SNX29: variants seen among roughly 807,000 people sequenced by gnomAD.
SNX29 encodes sorting nexin-29.
Under a neutral mutation model 102.1 loss-of-function variants are expected in SNX29, and 78 were observed. The observed-to-expected ratio is 0.76, with a 90% CI of 0.64 to 0.92. The LOEUF (loss-of-function observed/expected upper bound fraction) is 0.92, where lower values mean the gene tolerates loss of function less well. Among genes scored for constraint, SNX29 ranks in the 40% least tolerant of loss-of-function variants. The pLI, the probability that SNX29 is intolerant of heterozygous loss-of-function variation, is 0.00. For synonymous variants in SNX29, 580 were observed against 414.5 expected (o/e 1.40, Z -4.85); for missense variants, 1,280 against 1,061.7 (o/e 1.21, Z -2.86).
chr16:12,185,362 A>C (rs2076485519), intron 13 of SNX29, among the ~76,000 whole-genome samples: 1 of 152,206 alleles, frequency 6.6e-6, no homozygotes, highest in African/African-American at 2.4e-5. Context: ...GTGGTCGGAC[A>C]CTTGGCTTTT....
intron 1 of SNX29, among the ~76,000 whole-genome samples, chr16:11,989,564 C>T (rs2055764972): frequency 6.6e-6 from 1 of 152,224 alleles, no homozygotes; most frequent in African/African-American, 2.4e-5. Context: ...CTGCCCATGA[C>T]AGGAATGAGG....
At chr16:12,340,361 C>T (rs1026328134) in intron 15 of SNX29, among the ~76,000 whole-genome samples, 8 of 152,204 alleles carry the variant, frequency 5.3e-5, no homozygotes, top group African/African-American at 1.7e-4. Flanking sequence ...CAATGTTCCT[C>T]AGTCAGTAAG....
At chr16:12,406,723 C>T (rs776239396) in intron 18 of SNX29, among the ~76,000 whole-genome samples, 18 of 152,200 alleles carry the variant, frequency 1.2e-4, no homozygotes, top group Non-Finnish European at 2.2e-4. Flanking sequence ...TCCTGGCCAA[C>T]ATGGTGAAAC....
chr16:12,131,755 A>T (rs932943026), intron 13 of SNX29, among the ~76,000 whole-genome samples: 1 of 152,200 alleles, frequency 6.6e-6, no homozygotes, highest in Non-Finnish European at 1.5e-5. Context: ...TAGCAGCAGC[A>T]TTTACCTCTC....
chr16:12,358,179 G>A (rs1349827127), intron 16 of SNX29, among the ~76,000 whole-genome samples: 1 of 132,878 alleles, frequency 7.5e-6, no homozygotes, highest in Non-Finnish European at 1.8e-5. Context: ...TAAAGTAAAA[G>A]CACCTATTTA....
intron 20 of SNX29, chr16:12,560,930 G>GTGT (rs1410683370): frequency 4.9e-6 from 1 of 205,834 alleles, no homozygotes. Flanking sequence ...GTACCTCGTG[G>GTGT]TGTTGGGATC....
At chr16:12,242,129 A>C (rs1457492581) in intron 14 of SNX29, among the ~76,000 whole-genome samples, 1 of 151,984 alleles carries the variant, frequency 6.6e-6, no homozygotes, top group African/African-American at 2.4e-5. Context: ...CCCCAGCCAA[A>C]AATGGGTGCT....
intron 13 of SNX29, among the ~76,000 whole-genome samples, chr16:12,147,526 A>T (rs890809202): frequency 6.6e-6 from 1 of 152,332 alleles, no homozygotes; most frequent in Non-Finnish European, 1.5e-5. Flanking sequence ...GAGGGATACC[A>T]AAAGAGCCCA....
intron 16 of SNX29, among the ~76,000 whole-genome samples, chr16:12,393,512 A>G (rs2083613725): frequency 6.7e-6 from 1 of 148,528 alleles, no homozygotes; most frequent in Non-Finnish European, 1.5e-5. Flanking sequence ...GGGTGTGGTA[A>G]GCACATATAG....
intron 19 of SNX29, among the ~76,000 whole-genome samples, chr16:12,517,241 A>G (rs915592551): frequency 2.0e-5 from 3 of 152,132 alleles, no homozygotes; most frequent in African/African-American, 7.2e-5. Flanking sequence ...TCTCATCTGA[A>G]TTTTGGCTGC....
intron 18 of SNX29, among the ~76,000 whole-genome samples, chr16:12,426,287 A>T (rs1348916692): frequency 6.6e-6 from 1 of 152,176 alleles, no homozygotes; most frequent in African/African-American, 2.4e-5. Context: ...CTATGCCAGG[A>T]TCCAGGAAGA....
intron 18 of SNX29, among the ~76,000 whole-genome samples, chr16:12,472,576 C>G (rs898142791): frequency 2.0e-5 from 3 of 147,310 alleles, no homozygotes; most frequent in Admixed American, 6.8e-5. Context: ...GGGAGGAAAT[C>G]TAGGGGATAG....
rs552698679 is a variant in SNX29, at chr16:12,028,398, C to G, written c.247+954C>G. Among the ~76,000 whole-genome samples the G allele has an allele frequency of 4.6e-5, 7 of 152,154 alleles. No homozygotes were observed. In the East Asian group the frequency reaches 7.7e-4, roughly 17 times the overall value. ...TATTTTTTAGAGTTGGGGTCTTGCT[C>G]TGTTGCCCAGGCTGAAGTGCAGTGG... is the stretch of plus-strand genomic sequence containing the variant. On this transcript the variant is annotated intron_variant, in intron 4 of 20. Transcript: ENST00000566228.
At chr16:12,154,208 A>G (rs970412474) in intron 13 of SNX29, among the ~76,000 whole-genome samples, 1 of 151,894 alleles carries the variant, frequency 6.6e-6, no homozygotes, top group African/African-American at 2.4e-5. Flanking sequence ...AATGAAGTGC[A>G]TTTTGGGAAG....
intron 19 of SNX29, among the ~76,000 whole-genome samples, chr16:12,513,614 C>T (rs768114293): frequency 2.6e-5 from 4 of 152,212 alleles, no homozygotes; most frequent in Non-Finnish European, 5.9e-5. Flanking sequence ...TCAGCCACGC[C>T]GTTGCCCCGC....
intron 20 of SNX29, among the ~76,000 whole-genome samples, chr16:12,525,253 A>G (rs1398192482): frequency 1.3e-5 from 2 of 152,180 alleles, no homozygotes; most frequent in East Asian, 3.8e-4. Context: ...GTATTGACTT[A>G]AATTATTTTT....
chr16:12,419,321 A>G (rs2084775604), intron 18 of SNX29, among the ~76,000 whole-genome samples: 1 of 151,962 alleles, frequency 6.6e-6, no homozygotes, highest in Non-Finnish European at 1.5e-5. Flanking sequence ...CTGCCCCTGT[A>G]ATGTGATTCC....
intron 6 of SNX29, among the ~76,000 whole-genome samples, chr16:12,047,942 C>T (rs141951241): frequency 2.0e-5 from 3 of 152,214 alleles, no homozygotes; most frequent in African/African-American, 7.2e-5. Context: ...CAGGTGTGAG[C>T]CACCGTGCCC....
chr16:12,227,902 A>T (rs1379663916), intron 14 of SNX29, among the ~76,000 whole-genome samples: 2 of 55,296 alleles, frequency 3.6e-5, no homozygotes, highest in East Asian at 1.7e-3. Context: ...TCTGTCTTAA[A>T]AAAAAAAAAA....
Sources: gnomAD v4.1 joint callset for allele counts (sites outside exome capture counted in the v4.1 genomes callset) on GRCh38, gnomAD v4.1.1 for gene constraint, MANE v1.5 for transcripts, NCBI Gene and HGNC (gene_info 2026-07-23, HGNC 2026-07-21) for gene names.